Variants in PRKCB observed in about 807,000 individuals in gnomAD.
PRKCB encodes the protein protein kinase C beta.
PRKCB carries 13 observed loss-of-function variants against 81.5 expected under a neutral mutation model. The ratio of observed to expected loss-of-function variants is 0.16; its 90% CI spans 0.10 to 0.25. PRKCB has a LOEUF of 0.25. PRKCB is among the 10% of genes least tolerant of loss of function. The pLI is 1.00. For missense variants in PRKCB, 509 were observed against 875.7 expected (o/e 0.58, Z 5.29); for synonymous variants, 335 against 321.4 (o/e 1.04, Z -0.45).
chr16:24,085,037 G>A (rs568016386), intron 5 of PRKCB, among the ~76,000 whole-genome samples: 54 of 151,744 alleles, frequency 3.6e-4, no homozygotes, highest in Admixed American at 3.5e-3. Context: ...GGTCAGAAGC[G>A]ATTGAATGGC....
chr16:24,155,647 C>A (rs1477979754), intron 10 of PRKCB, among the ~76,000 whole-genome samples: 1 of 152,212 alleles, frequency 6.6e-6, no homozygotes, highest in Admixed American at 6.5e-5. Flanking sequence ...CAGTTCTCAA[C>A]TTACTGAGTA....
chr16:23,956,214 A>G lies in PRKCB; in HGVS notation c.206-32294A>G, dbSNP rs144040071. On this transcript the variant is annotated intron_variant, in intron 2 of 16. Coordinates refer to ENST00000643927, the MANE Select transcript of PRKCB (RefSeq NM_002738.7). The stretch of plus-strand genomic sequence containing the variant: ...TCAGCTCACTGCAACCTCCACCTCC[A>G]GGGCTCAATCCTCCCACCTCAGACT... Among the ~76,000 whole-genome samples, 150 of 152,118 alleles carry G rather than the reference A, an allele frequency of 9.9e-4. 1 individual carries two copies. In the East Asian group the frequency reaches 0.028, roughly 28 times the overall value.
intron 9 of PRKCB, among the ~76,000 whole-genome samples, chr16:24,140,688 C>T (rs552972697): frequency 5.9e-5 from 9 of 152,084 alleles, no homozygotes; most frequent in Non-Finnish European, 1.2e-4. Context: ...TGAAAGACAT[C>T]TCAAAAGGCC....
intron 12 of PRKCB, among the ~76,000 whole-genome samples, chr16:24,175,299 G>A (rs1035013154): frequency 6.6e-6 from 1 of 151,906 alleles, no homozygotes; most frequent in South Asian, 2.1e-4. Flanking sequence ...ATGGGTGGGG[G>A]TCTATTTCAA....
chr16:24,220,135 G>A lies in PRKCB; in HGVS notation c.*5319G>A. 6.2e-7 allele frequency: 1 copy of A among 1,613,518 alleles called. No individual in the cohort carries two copies. The highest frequency in any genetic ancestry group is 8.5e-7 in the Non-Finnish European group (1 of 1,179,678). On this transcript the variant is annotated 3_prime_UTR_variant, in exon 17 of 17. Coordinates refer to ENST00000643927, the MANE Select transcript of PRKCB (RefSeq NM_002738.7). ...GTAGGTGAATGCAAACTCCATCGTT[G>A]AGCCTGGGGTGTAAGACTTCAAGCC...
intron 2 of PRKCB, among the ~76,000 whole-genome samples, chr16:23,975,167 A>G (rs1964608831): frequency 6.6e-6 from 1 of 152,242 alleles, no homozygotes; most frequent in Non-Finnish European, 1.5e-5. Flanking sequence ...GTATTCACTT[A>G]GCAAGTCATT....
intron 5 of PRKCB, among the ~76,000 whole-genome samples, chr16:24,052,595 T>C (rs986808539): frequency 2.0e-5 from 3 of 152,204 alleles, no homozygotes; most frequent in Admixed American, 2.0e-4. Flanking sequence ...GAACTGAGGA[T>C]TCCTCCTCTT....
intron 10 of PRKCB, among the ~76,000 whole-genome samples, chr16:24,164,694 G>A (rs1967316295): frequency 6.6e-6 from 1 of 152,240 alleles, no homozygotes; most frequent in Admixed American, 6.5e-5. Context: ...AGCGAGATGA[G>A]AGTTGAAATT....
chr16:23,898,067 ATT>A (rs34425730), intron 2 of PRKCB, among the ~76,000 whole-genome samples: 9 of 134,466 alleles, frequency 6.7e-5, no homozygotes, highest in African/African-American at 8.2e-5. Context: ...TGCCCGGCTA[ATT>A]TTTTTTTTTT....
chr16:23,939,337 C>A (rs1391781532), intron 2 of PRKCB, among the ~76,000 whole-genome samples: 1 of 152,082 alleles, frequency 6.6e-6, no homozygotes, highest in Non-Finnish European at 1.5e-5. Context: ...TAATGTGATT[C>A]TTATAAAAAT....
intron 2 of PRKCB, among the ~76,000 whole-genome samples, chr16:23,903,874 G>A (rs1340099336): frequency 6.6e-6 from 1 of 152,164 alleles, no homozygotes; most frequent in Non-Finnish European, 1.5e-5. Flanking sequence ...ATGAGGTTAA[G>A]GATCTCTGTT....
At chr16:23,845,427 GA>G (rs201613199) in intron 2 of PRKCB, among the ~76,000 whole-genome samples, 111 of 152,072 alleles carry the variant, frequency 7.3e-4, no homozygotes, top group East Asian at 4.6e-3. Context: ...GAGAAAGTCT[GA>G]GTTGTCAAGG....
At chr16:24,091,831 C>G (rs974457846) in intron 5 of PRKCB, among the ~76,000 whole-genome samples, 12 of 152,114 alleles carry the variant, frequency 7.9e-5, no homozygotes, top group Non-Finnish European at 1.6e-4. Context: ...CTTATAGCCT[C>G]TTTACCTGGG....
In PRKCB at chr16:23,874,404, G is replaced by A. The variant is rs532828965; in HGVS notation, c.205+36998G>A. ...GGTTACAAATTCAAATTCCTACAGG[G>A]GCCAGGCAACTGTCTTAGATGTGTG... On this transcript the variant is annotated intron_variant, in intron 2 of 16. Transcript: ENST00000643927. Among the ~76,000 whole-genome samples, 134 of 152,168 alleles carry A rather than the reference G, an allele frequency of 8.8e-4. 1 individual carries two copies. The highest frequency in any genetic ancestry group is 3.4e-3 in the Middle Eastern group (1 of 294).
chr16:23,930,400 C>T (rs1445294846), intron 2 of PRKCB, among the ~76,000 whole-genome samples: 2 of 152,004 alleles, frequency 1.3e-5, no homozygotes, highest in East Asian at 3.9e-4. Context: ...GAAACCCTAT[C>T]TCTACTAAAA....
At chr16:23,954,450 G>A (rs897103031) in intron 2 of PRKCB, among the ~76,000 whole-genome samples, 41 of 152,224 alleles carry the variant, frequency 2.7e-4, no homozygotes, top group East Asian at 1.9e-4. Flanking sequence ...CGTCCTGGGA[G>A]GAACCTTCTA....
At chr16:24,195,058 G>GTGGGCGTGATAGCA (rs1354757088) in intron 16 of PRKCB, among the ~76,000 whole-genome samples, 1 of 152,010 alleles carries the variant, frequency 6.6e-6, no homozygotes, top group Admixed American at 6.6e-5. Context: ...ACAAACGTTG[G>GTGGGCGTGATAGCA]TGGGCGTGAT....
chr16:24,092,226 C>T (rs902462294), intron 5 of PRKCB, among the ~76,000 whole-genome samples: 3 of 152,188 alleles, frequency 2.0e-5, no homozygotes, highest in African/African-American at 7.2e-5. Flanking sequence ...TACTTTCTGT[C>T]TCTATGGATT....
chr16:23,962,900 C>G (rs1318747619), intron 2 of PRKCB: 1 of 152,146 alleles, frequency 6.6e-6, no homozygotes, highest in South Asian at 2.1e-4. Flanking sequence ...TTCACCCCCT[C>G]CCACCATTCC....
Sources: allele counts gnomAD v4.1 joint callset (sites outside exome capture counted in the v4.1 genomes callset), GRCh38; gene constraint gnomAD v4.1.1; transcripts MANE v1.5; gene names NCBI Gene and HGNC (gene_info 2026-07-23, HGNC 2026-07-21).